RYR2: variants seen among roughly 807,000 people sequenced by gnomAD.
RYR2 encodes the protein ryanodine receptor 2.
RYR2 carries 227 observed loss-of-function variants against 601.1 expected under a neutral mutation model. That is an observed-to-expected ratio of 0.38 (90% CI 0.34 to 0.42). RYR2 has a LOEUF of 0.42. Ranked by LOEUF, RYR2 falls within the 10% of genes least tolerant of loss-of-function variation. The probability of loss-of-function intolerance (pLI) is 1.00; values close to 1 mark genes in which losing one functional copy is unlikely to be tolerated. For missense variants in RYR2, 4,646 were observed against 6,156.5 expected, an observed-to-expected ratio of 0.75 and a Z score of 8.21; for synonymous variants, 2,223 against 2,175.1, an observed-to-expected ratio of 1.02 and a Z score of -0.61.
intron 84 of RYR2, among the ~76,000 whole-genome samples, chr1:237,770,444 T>C (rs1694180706): frequency 6.6e-6 from 1 of 152,084 alleles, no homozygotes; most frequent in Non-Finnish European, 1.5e-5. Context: ...TTAACACGTG[T>C]GAGAGATGCA....
At chr1:237,425,047 A>G (rs1706004900) in intron 12 of RYR2, among the ~76,000 whole-genome samples, 1 of 152,236 alleles carries the variant, frequency 6.6e-6, no homozygotes, top group South Asian at 2.1e-4. Flanking sequence ...CATATTCATT[A>G]TTTAGAGTGA....
chr1:237,352,712 C>A, intron 3 of RYR2: 1 of 234,200 alleles, frequency 4.3e-6, no homozygotes, highest in Non-Finnish European at 9.0e-6. Flanking sequence ...TACAATAAGA[C>A]CGTTGGGTAT....
chr1:237,066,207 G>T (rs1445944591), intron 1 of RYR2, among the ~76,000 whole-genome samples: 1 of 152,196 alleles, frequency 6.6e-6, no homozygotes, highest in African/African-American at 2.4e-5. Flanking sequence ...CTTGCAAAAT[G>T]CCTTTTCTCA....
intron 1 of RYR2, among the ~76,000 whole-genome samples, chr1:237,131,860 A>C (rs1672208090): frequency 6.6e-6 from 1 of 151,978 alleles, no homozygotes; most frequent in South Asian, 2.1e-4. Context: ...AGCTGGCACT[A>C]CTGGCATGCA....
intron 38 of RYR2, among the ~76,000 whole-genome samples, chr1:237,620,231 A>G (rs1387673434): frequency 6.6e-6 from 1 of 152,162 alleles, no homozygotes; most frequent in Non-Finnish European, 1.5e-5. Flanking sequence ...ACTGAAGTCT[A>G]CTGGTGTTGA....
chr1:237,438,270 A>G (rs1343584106), intron 12 of RYR2, among the ~76,000 whole-genome samples: 1 of 152,030 alleles, frequency 6.6e-6, no homozygotes, highest in Non-Finnish European at 1.5e-5. Flanking sequence ...TAGTTGTAGG[A>G]TCTGGGCCAT....
intron 73 of RYR2, among the ~76,000 whole-genome samples, chr1:237,718,837 T>C (rs1689474524): frequency 1.3e-5 from 2 of 152,188 alleles, no homozygotes; most frequent in Admixed American, 1.3e-4. Flanking sequence ...TGCAGGTTTG[T>C]TACATATGTA....
At chr1:237,579,850 C>A (rs1420386606) in intron 29 of RYR2, among the ~76,000 whole-genome samples, 2 of 152,096 alleles carry the variant, frequency 1.3e-5, no homozygotes, top group East Asian at 3.9e-4. Flanking sequence ...ATATATCATA[C>A]CGAATATGTA....
chr1:237,818,011 A>C (rs1662030349), intron 100 of RYR2, among the ~76,000 whole-genome samples: 3 of 152,346 alleles, frequency 2.0e-5, no homozygotes, highest in Admixed American at 6.5e-5. Flanking sequence ...ATGTACGAGC[A>C]AAGATCTGGA....
intron 25 of RYR2, among the ~76,000 whole-genome samples, chr1:237,534,962 C>CT (rs763171526): frequency 2.4e-3 from 357 of 148,686 alleles, no homozygotes; most frequent in African/African-American, 3.3e-3. Flanking sequence ...CACATAATCC[C>CT]TTTTTATTTT....
intron 12 of RYR2, among the ~76,000 whole-genome samples, chr1:237,438,070 ACT>A (rs1023804587): frequency 1.7e-4 from 26 of 151,602 alleles, no homozygotes; most frequent in Admixed American, 4.6e-4. Context: ...AATTTCATTA[ACT>A]CTTTTTTATA....
intron 31 of RYR2, among the ~76,000 whole-genome samples, chr1:237,591,390 AT>A (rs1675187390): frequency 6.6e-6 from 1 of 152,016 alleles, no homozygotes; most frequent in Non-Finnish European, 1.5e-5. Flanking sequence ...TCCAAATAGT[AT>A]TTTTTATGAT....
rs556775872 is a variant in RYR2 at position 237,221,464 on chromosome 1, C to T, written c.49-49033C>T. 6.6e-5 allele frequency among the ~76,000 whole-genome samples: 10 copies of T among 152,130 alleles called. No homozygotes were observed. In the East Asian group the frequency reaches 1.2e-3, roughly 18 times the overall value. ...TGTTTTGGTCACAAGCATGACATTT[C>T]GAACACAGTAAACTTTATAGATATG... On this transcript the variant is annotated intron_variant, in intron 1 of 104. Coordinates refer to ENST00000366574, the MANE Select transcript of RYR2 (RefSeq NM_001035.3).
intron 1 of RYR2, among the ~76,000 whole-genome samples, chr1:237,146,447 A>T (rs1280802224): frequency 6.6e-6 from 1 of 152,182 alleles, no homozygotes; most frequent in African/African-American, 2.4e-5. Context: ...AATCACTGAC[A>T]CAGCTCTCCT....
chr1:237,828,178 C>G (rs965752870), intron 101 of RYR2, among the ~76,000 whole-genome samples: 2 of 152,066 alleles, frequency 1.3e-5, no homozygotes, highest in Middle Eastern at 3.2e-3. Context: ...AGTGTATGTC[C>G]CAGTAACTGC....
At position 237,814,965 on chromosome 1, in the gene RYR2, C is replaced by CTTTTTT. The variant is rs11314213; in HGVS notation, c.14434-4057_14434-4052dup. ...ATAATCTGCTCCTTTTTTCTTTTTTCTTTTTTTTTTTTTTTTTTTGCCAAG... is the reference window on the plus strand; with the variant it reads ...ATAATCTGCTCCTTTTTTCTTTTTTCTTTTTTTTTTTTTTTTTTTTTTTTTGCCAAG... On this transcript the variant is annotated intron_variant, in intron 100 of 104. Coordinates refer to ENST00000366574, the MANE Select transcript of RYR2 (RefSeq NM_001035.3). Among the ~76,000 whole-genome samples the CTTTTTT allele has an allele frequency of 1.9e-3, 182 of 93,814 alleles. 1 individual carries two copies. Among genetic ancestry groups the CTTTTTT allele is most frequent in the Middle Eastern group, 6.8e-3 (1 of 146 alleles). 61.5% of individuals were successfully genotyped at this position (93,814 alleles called of 152,430 possible).
intron 73 of RYR2, among the ~76,000 whole-genome samples, chr1:237,722,655 G>A (rs180849037): frequency 0.01 from 1,524 of 152,066 alleles, 15 homozygotes; most frequent in Middle Eastern, 0.02. Context: ...GGACGGTCTC[G>A]ATCTGCTGAC....
At chr1:237,520,471 A>G (rs56863050) in intron 24 of RYR2, among the ~76,000 whole-genome samples, 2 of 152,290 alleles carry the variant, frequency 1.3e-5, no homozygotes, top group African/African-American at 4.8e-5. Flanking sequence ...ATTTTGAGGT[A>G]TGCTCCTTCT....
At position 237,798,181 on chromosome 1, in the gene RYR2, C is replaced by T. The variant is rs2149404729; in HGVS notation, c.14090+11C>T. 1 of 1,610,140 alleles carries T rather than the reference C, an allele frequency of 6.2e-7. No homozygotes were observed. The highest frequency in any genetic ancestry group is 1.3e-5 in the African/African-American group (1 of 74,862). On this transcript the variant is annotated intron_variant, in intron 97 of 104. Coordinates refer to ENST00000366574, the MANE Select transcript of RYR2 (RefSeq NM_001035.3). The stretch of plus-strand genomic sequence containing the variant: ...CTCCTTATCAGCTGTGTAAGTGTTA[C>T]TTCGGCTCTATCCTACAGACTTAGA...
Sources: gnomAD v4.1 joint callset for allele counts (sites outside exome capture counted in the v4.1 genomes callset) on GRCh38, gnomAD v4.1.1 for gene constraint, MANE v1.5 for transcripts, NCBI Gene and HGNC (gene_info 2026-07-23, HGNC 2026-07-21) for gene names.